Variants in DPYD observed in about 807,000 individuals in gnomAD.
DPYD encodes the protein dihydropyrimidine dehydrogenase, also known as dihydropyrimidine dehydrogenase [NADP(+)].
A neutral mutation model predicts 116.2 loss-of-function variants in DPYD; 109 were observed. The observed-to-expected ratio is 0.94, with a 90% CI of 0.80 to 1.10. The LOEUF (loss-of-function observed/expected upper bound fraction) is 1.10, where lower values mean the gene tolerates loss of function less well. Among genes scored for constraint, DPYD ranks in the 50% least tolerant of loss-of-function variants. The pLI is 0.00. For synonymous variants in DPYD, 440 were observed against 432.0 expected, an observed-to-expected ratio of 1.02 and a Z score of -0.23; for missense variants, 1,302 against 1,254.5, an observed-to-expected ratio of 1.04 and a Z score of -0.57.
chr1:97,569,879 T>C (rs1484613603), intron 11 of DPYD, among the ~76,000 whole-genome samples: 9 of 151,980 alleles, frequency 5.9e-5, no homozygotes, highest in Admixed American at 5.9e-4. Flanking sequence ...CACTCCCTGG[T>C]ACAATCCAAA....
At chr1:97,693,290 C>CAAAAAAAAAA (rs201872835) in intron 6 of DPYD, among the ~76,000 whole-genome samples, 1 of 41,844 alleles carries the variant, frequency 2.4e-5, no homozygotes, top group African/African-American at 1.4e-4. Context: ...GACTCCGTCT[C>CAAAAAAAAAA]AAAAAAAAAA....
intron 18 of DPYD, among the ~76,000 whole-genome samples, chr1:97,269,602 T>G (rs1664446313): frequency 6.6e-6 from 1 of 152,118 alleles, no homozygotes; most frequent in South Asian, 2.1e-4. Flanking sequence ...GGGAAGTCGG[T>G]GGTTGAGGTG....
At chr1:97,518,653 T>A (rs962456606) in intron 12 of DPYD, among the ~76,000 whole-genome samples, 23 of 152,100 alleles carry the variant, frequency 1.5e-4, no homozygotes, top group African/African-American at 5.6e-4. Flanking sequence ...TCCTAACAAA[T>A]ATGTTATTTA....
chr1:97,429,384 T>C (rs1319559992), intron 14 of DPYD, among the ~76,000 whole-genome samples: 2 of 152,074 alleles, frequency 1.3e-5, no homozygotes, highest in Non-Finnish European at 2.9e-5. Context: ...AAATTTTTAC[T>C]TAAGAAATAA....
chr1:97,350,675 G>C (rs569391861), intron 16 of DPYD, among the ~76,000 whole-genome samples: 1 of 152,134 alleles, frequency 6.6e-6, no homozygotes, highest in Admixed American at 6.6e-5. Context: ...AATGCTGTGA[G>C]TCACAAAATC....
chr1:97,173,211 T>C (rs1345891400), intron 20 of DPYD, among the ~76,000 whole-genome samples: 10 of 139,506 alleles, frequency 7.2e-5, no homozygotes, highest in Admixed American at 2.8e-4. Flanking sequence ...TGTACATATA[T>C]ACACATATAC....
In DPYD at chr1:97,593,387, C is replaced by T. The variant is rs1414156000; in HGVS notation, c.959G>A (p.Gly320Glu). ...LPLVAKGSKAGMCACHSPLPS... is the reference protein window; with the variant it reads ...LPLVAKGSKAEMCACHSPLPS... The stretch of plus-strand genomic sequence containing the variant: ...CAATGGAGAGTGACAGGCGCACATT[C>T]CTGAATGATGAAAGGAAAACCCCAT... The change falls in exon 10 of 23, where the codon GGA becomes GAA. Residue 320 changes from glycine to glutamate, a missense_variant and splice_region_variant. Coordinates refer to ENST00000370192, the MANE Select transcript of DPYD (RefSeq NM_000110.4). 3.1e-6 allele frequency: 5 copies of T among 1,614,020 alleles called. No homozygotes were observed. The highest frequency in any genetic ancestry group is 3.4e-6 in the Non-Finnish European group (4 of 1,179,984).
intron 14 of DPYD, among the ~76,000 whole-genome samples, chr1:97,411,287 G>C (rs1673978367): frequency 6.6e-6 from 1 of 152,094 alleles, no homozygotes; most frequent in African/African-American, 2.4e-5. Context: ...TGTAAATAGT[G>C]AATGAATAAG....
At chr1:97,435,495 C>G (rs1177222592) in intron 14 of DPYD, among the ~76,000 whole-genome samples, 4 of 151,796 alleles carry the variant, frequency 2.6e-5, no homozygotes, top group Non-Finnish European at 4.4e-5. Context: ...GGTGATTAAG[C>G]TAGTAGTCCT....
intron 21 of DPYD, among the ~76,000 whole-genome samples, chr1:97,085,833 G>A (rs182148326): frequency 1.3e-5 from 2 of 152,180 alleles, no homozygotes; most frequent in African/African-American, 2.4e-5. Context: ...ATGTATGAAG[G>A]TTCAGCAGTA....
At chr1:97,246,023 G>T (rs886503744) in intron 18 of DPYD, among the ~76,000 whole-genome samples, 1 of 151,994 alleles carries the variant, frequency 6.6e-6, no homozygotes, top group African/African-American at 2.4e-5. Flanking sequence ...CTCTTCTTTG[G>T]CCTGTACAAC....
rs964436447 is a variant in DPYD, at chr1:97,347,913, T to G, written c.2058+25648A>C. On this transcript the variant is annotated intron_variant, in intron 16 of 22. Transcript: ENST00000370192. ...AAACCTTTCCTCCTGCATTTCTGAC[T>G]TTCTAAAGCCTGTTTGGAAGGCCAG... is the stretch of plus-strand genomic sequence containing the variant. Among the ~76,000 whole-genome samples, 5 of 152,176 alleles carry G rather than the reference T, an allele frequency of 3.3e-5. No individual in the cohort carries two copies. In the East Asian group the frequency reaches 7.7e-4, roughly 23 times the overall value.
rs370754189 is a variant in DPYD at position 97,087,057 on chromosome 1, T to C, written c.2767-4587A>G. On this transcript the variant is annotated intron_variant, in intron 21 of 22. Transcript: ENST00000370192. ...ATTCAGTTTGCTCTTACTGAATTTA[T>C]GCTGATTTTTAACTTCTTCCTTTAC... is the stretch of plus-strand genomic sequence containing the variant. 1.2e-4 allele frequency among the ~76,000 whole-genome samples: 19 copies of C among 152,382 alleles called. No homozygotes were observed. The South Asian group carries it at 3.9e-3, about 32-fold the overall frequency.
chr1:97,240,675 C>G (rs1309070794), intron 18 of DPYD, among the ~76,000 whole-genome samples: 1 of 151,746 alleles, frequency 6.6e-6, no homozygotes, highest in Non-Finnish European at 1.5e-5. Context: ...AGAAATTGAA[C>G]CTTGACTGTC....
intron 18 of DPYD, among the ~76,000 whole-genome samples, chr1:97,282,803 G>T (rs114849039): frequency 6.6e-6 from 1 of 152,018 alleles, no homozygotes; most frequent in Non-Finnish European, 1.5e-5. Context: ...TCCCACTTCC[G>T]AGTGAGAACG....
At chr1:97,242,247 A>T (rs905104145) in intron 18 of DPYD, among the ~76,000 whole-genome samples, 1 of 146,524 alleles carries the variant, frequency 6.8e-6, no homozygotes, top group African/African-American at 2.5e-5. Context: ...TGTTCCTGGA[A>T]GTATTACTTT....
In DPYD at chr1:97,693,317, A is replaced by G. The variant is rs1395214845; in HGVS notation, c.681-1519T>C. Among the ~76,000 whole-genome samples, 124 of 121,436 alleles carry G rather than the reference A, an allele frequency of 1.0e-3. 2 individuals carry two copies. The highest frequency in any genetic ancestry group is 8.2e-3 in the Admixed American group (105 of 12,826). The allele number at this position is 121,436 out of a possible 152,430, so 79.7% of individuals were successfully genotyped here. Reference sequence around the variant, plus strand: ...AAAAAAAAAAAAAAAAAAAAAAAAAACCAAAAAAGAAAATGCAAGGTATCA... The same window carrying G: ...AAAAAAAAAAAAAAAAAAAAAAAAAGCCAAAAAAGAAAATGCAAGGTATCA... On this transcript the variant is annotated intron_variant, in intron 6 of 22. Coordinates refer to ENST00000370192, the MANE Select transcript of DPYD (RefSeq NM_000110.4).
chr1:97,651,246 G>A (rs1343041124), intron 8 of DPYD, among the ~76,000 whole-genome samples: 1 of 152,024 alleles, frequency 6.6e-6, no homozygotes, highest in Non-Finnish European at 1.5e-5. Flanking sequence ...TCCAACTGAG[G>A]CGATTTTATG....
chr1:97,711,313 T>A (rs1388665443), intron 5 of DPYD, among the ~76,000 whole-genome samples: 1 of 151,892 alleles, frequency 6.6e-6, no homozygotes, highest in Non-Finnish European at 1.5e-5. Flanking sequence ...TCCAAAATCA[T>A]ATGCTCAGGA....
Sources: allele counts gnomAD v4.1 joint callset (sites outside exome capture counted in the v4.1 genomes callset), GRCh38; gene constraint gnomAD v4.1.1; transcripts MANE v1.5; gene names NCBI Gene and HGNC (gene_info 2026-07-23, HGNC 2026-07-21).